The following SNRK variants were observed in gnomAD, a reference collection of about 807,000 sequenced individuals.
SNRK encodes the protein SNF-related serine/threonine-protein kinase.
In SNRK, 3 loss-of-function variants were observed where a neutral mutation model predicts 48.2. That is an observed-to-expected ratio of 0.06 (90% CI 0.03 to 0.16). SNRK has a LOEUF of 0.16. SNRK is among the 10% of genes least tolerant of loss of function. The probability of loss-of-function intolerance (pLI) is 1.00; values close to 1 mark genes in which losing one functional copy is unlikely to be tolerated. For synonymous variants in SNRK, 376 were observed against 366.1 expected (o/e 1.03, Z -0.31); for missense variants, 627 against 976.0 (o/e 0.64, Z 4.76).
At chr3:43,332,054 C>A in intron 3 of SNRK, 115 bp from the exon 4 acceptor site, 2 of 754,000 alleles carry the variant, frequency 2.7e-6, no homozygotes, top group Non-Finnish European at 3.8e-6. Context: ...GATGTTTGTA[C>A]TTTGAGATAT....
intron 4 of SNRK, among the ~76,000 whole-genome samples, chr3:43,333,759 TGAG>T (rs1327759021): frequency 2.6e-5 from 4 of 152,152 alleles, no homozygotes; most frequent in African/African-American, 9.7e-5. Flanking sequence ...TGTAGTAAAA[TGAG>T]GGCCTGTGTA....
rs1490102394 is a variant in SNRK, at chr3:43,303,955, C to T, written c.589+163C>T. Among the ~76,000 whole-genome samples, 1 of 152,120 alleles carries T rather than the reference C, an allele frequency of 6.6e-6. No individual in the cohort carries two copies. Among genetic ancestry groups the T allele is most frequent in the Non-Finnish European group, 1.5e-5 (1 of 68,012 alleles). On this transcript the variant is annotated intron_variant, in intron 3 of 6. Coordinates refer to ENST00000296088, the MANE Select transcript of SNRK (RefSeq NM_017719.5). The surrounding 1 kb of genome is among the most constrained non-coding windows in gnomAD (Gnocchi z 6.2). Reference sequence around the variant, plus strand: ...CCATATATGCCTAAAGCTGGCATTTCGTTTATTTCAACCTTTAGATGGCAA... The same window carrying T: ...CCATATATGCCTAAAGCTGGCATTTTGTTTATTTCAACCTTTAGATGGCAA...
chr3:43,303,872 G>C lies in SNRK; in HGVS notation c.589+80G>C. On this transcript the variant is annotated intron_variant, in intron 3 of 6. Coordinates refer to ENST00000296088, the MANE Select transcript of SNRK (RefSeq NM_017719.5). The surrounding 1 kb of genome is among the most constrained non-coding windows in gnomAD (Gnocchi z 6.2). ...TCAGATCGGTTGTTTATCTAAAAAT[G>C]ATTTCTAGAGAATTTCTGTTAAATT... 3.9e-6 allele frequency: 4 copies of C among 1,029,928 alleles called. No homozygotes were observed. Among genetic ancestry groups the C allele is most frequent in the Non-Finnish European group, 5.7e-6 (4 of 697,996 alleles). 63.8% of individuals were successfully genotyped at this position (1,029,928 alleles called of 1,614,324 possible). A position where few individuals can be genotyped will look rare whatever the true frequency, so the allele number is the denominator to read the frequency against.
chr3:43,336,992 TC>T, intron 4 of SNRK, among the ~76,000 whole-genome samples: 1 of 152,322 alleles, frequency 6.6e-6, no homozygotes, highest in African/African-American at 2.4e-5. Flanking sequence ...GACCTCGTGA[TC>T]CACCTGCCTG....
At chr3:43,323,706 T>C (rs551956998) in intron 3 of SNRK, among the ~76,000 whole-genome samples, 1 of 151,508 alleles carries the variant, frequency 6.6e-6, no homozygotes, top group South Asian at 2.1e-4. Flanking sequence ...CTGAAATAAA[T>C]GGTGGAACAT....
intron 3 of SNRK, among the ~76,000 whole-genome samples, chr3:43,325,502 T>C (rs2091089506): frequency 6.6e-6 from 1 of 152,010 alleles, no homozygotes; most frequent in Non-Finnish European, 1.5e-5. Context: ...TAAGAAAACA[T>C]CAAAATACTC....
At chr3:43,345,234 C>T (rs2091266841) in intron 6 of SNRK, among the ~76,000 whole-genome samples, 1 of 152,232 alleles carries the variant, frequency 6.6e-6, no homozygotes, top group African/African-American at 2.4e-5. Flanking sequence ...GCAGTGTCTC[C>T]TGACTTGCCT....
intron 4 of SNRK, among the ~76,000 whole-genome samples, chr3:43,334,149 A>C (rs919707613): frequency 2.0e-5 from 3 of 151,832 alleles, no homozygotes; most frequent in African/African-American, 7.3e-5. Flanking sequence ...CTGTCTCAAA[A>C]AACTAATAAT....
intron 3 of SNRK, among the ~76,000 whole-genome samples, chr3:43,322,414 G>A (rs147899822): frequency 7.9e-4 from 121 of 152,304 alleles, no homozygotes; most frequent in African/African-American, 2.8e-3. Flanking sequence ...CGTGGATGTA[G>A]TACACATATT....
chr3:43,337,488 A>G (rs573471587), intron 4 of SNRK, among the ~76,000 whole-genome samples: 2 of 151,504 alleles, frequency 1.3e-5, no homozygotes, highest in Non-Finnish European at 2.9e-5. Context: ...CAGTGCAATC[A>G]TGGCTCACTA....
intron 3 of SNRK, among the ~76,000 whole-genome samples, chr3:43,309,572 T>G (rs2090963533): frequency 6.6e-6 from 1 of 152,002 alleles, no homozygotes; most frequent in Non-Finnish European, 1.5e-5. Flanking sequence ...GCAAAAAGAT[T>G]ATGCCTTGAC....
intron 5 of SNRK, among the ~76,000 whole-genome samples, chr3:43,342,777 G>C (rs780496158): frequency 4.6e-5 from 7 of 152,158 alleles, no homozygotes; most frequent in Non-Finnish European, 8.8e-5. Context: ...CTTTTTAAAC[G>C]GATCAATGAC....
chr3:43,335,508 A>T (rs1006726955), intron 4 of SNRK, among the ~76,000 whole-genome samples: 12 of 152,128 alleles, frequency 7.9e-5, no homozygotes, highest in Non-Finnish European at 1.5e-4. Context: ...ATGGCCTAGC[A>T]TAAGGTCTTT....
At chr3:43,323,115 G>A (rs2091068032) in intron 3 of SNRK, among the ~76,000 whole-genome samples, 1 of 152,044 alleles carries the variant, frequency 6.6e-6, no homozygotes, top group Admixed American at 6.6e-5. Flanking sequence ...GCAATGCTGT[G>A]GCAACAGTTG....
chr3:43,349,431 A>G lies in SNRK; in HGVS notation c.*874A>G, dbSNP rs1258366957. On this transcript the variant is annotated 3_prime_UTR_variant, in exon 7 of 7. Transcript: ENST00000296088. ...AGATAGAAGAACTATAGGGCCTAGT[A>G]CAGAAGGTGCACACAAATGTTGGCA... 6.6e-6 allele frequency: 1 copy of G among 152,506 alleles called. No homozygotes were observed. The highest frequency in any genetic ancestry group is 1.5e-5 in the Non-Finnish European group (1 of 68,042). 9.4% of individuals were successfully genotyped at this position (152,506 alleles called of 1,614,324 possible).
At chr3:43,293,965 T>C (rs1257679228) in intron 1 of SNRK, among the ~76,000 whole-genome samples, 1 of 152,146 alleles carries the variant, frequency 6.6e-6, no homozygotes, top group Non-Finnish European at 1.5e-5. Context: ...GTTTGGTATA[T>C]ACAATTTTTT....
chr3:43,348,727 C>T lies in SNRK; in HGVS notation c.*170C>T. 1 of 587,564 alleles carries T rather than the reference C, an allele frequency of 1.7e-6. No homozygotes were observed. The highest frequency in any genetic ancestry group is 2.6e-6 in the Non-Finnish European group (1 of 385,844). 36.4% of individuals were successfully genotyped at this position (587,564 alleles called of 1,614,324 possible). A position where few individuals can be genotyped will look rare whatever the true frequency, so the allele number is the denominator to read the frequency against. On this transcript the variant is annotated 3_prime_UTR_variant, in exon 7 of 7. Coordinates refer to ENST00000296088, the MANE Select transcript of SNRK (RefSeq NM_017719.5). Reference sequence around the variant, plus strand: ...TGACAATGCATGGTCTTTGTGCATGCTGCTAGACACTTTTCTTTCCCAGCC... The same window carrying T: ...TGACAATGCATGGTCTTTGTGCATGTTGCTAGACACTTTTCTTTCCCAGCC...
rs2091282568 is a variant in SNRK, at chr3:43,347,142, T to C, written c.1080-197T>C. On this transcript the variant is annotated intron_variant, in intron 6 of 6. Coordinates refer to ENST00000296088, the MANE Select transcript of SNRK (RefSeq NM_017719.5). This position sits in a 1 kb window ranked among gnomAD's most constrained non-coding sequence, Gnocchi z 5.4. ...TTCACTTGGCCAATAAGCCACAAAC[T>C]GAACCATGTTTCAAAACCACATTTG... is the stretch of plus-strand genomic sequence containing the variant. 4 of 515,946 alleles carry C rather than the reference T, an allele frequency of 7.8e-6. No homozygotes were observed. Among genetic ancestry groups the C allele is most frequent in the Non-Finnish European group, 1.3e-5 (4 of 301,322 alleles). The allele number at this position is 515,946 out of a possible 1,614,324, so 32.0% of individuals were successfully genotyped here.
intron 3 of SNRK, among the ~76,000 whole-genome samples, chr3:43,331,209 A>G (rs1413117400): frequency 6.6e-6 from 1 of 152,204 alleles, no homozygotes; most frequent in Non-Finnish European, 1.5e-5. Flanking sequence ...TGTTTATATT[A>G]TCATGCCTGT....
Sources: gnomAD v4.1 joint callset for allele counts (sites outside exome capture counted in the v4.1 genomes callset) on GRCh38, gnomAD v4.1.1 for gene constraint, Gnocchi (gnomAD v3.1) non-coding constraint, MANE v1.5 for transcripts, NCBI Gene and HGNC (gene_info 2026-07-23, HGNC 2026-07-21) for gene names.